TLE4: variants seen among roughly 807,000 people sequenced by gnomAD.
The protein encoded by TLE4 is TLE family member 4, transcriptional corepressor.
A neutral mutation model predicts 92.8 loss-of-function variants in TLE4; 8 were observed. The ratio of observed to expected loss-of-function variants is 0.09; its 90% confidence interval spans 0.05 to 0.16. The LOEUF (loss-of-function observed/expected upper bound fraction) is 0.16, where lower values mean the gene tolerates loss of function less well. TLE4 is among the 10% of genes least tolerant of loss of function. TLE4 has a pLI of 1.00. For missense variants in TLE4, 675 were observed against 997.6 expected (o/e 0.68, Z 4.36); for synonymous variants, 371 against 374.1 (o/e 0.99, Z 0.10).
intron 4 of TLE4, chr9:79,601,434 G>C (rs1483086540): frequency 2.2e-6 from 1 of 456,120 alleles, no homozygotes; most frequent in Non-Finnish European, 4.4e-6. Flanking sequence ...TTCACAAATT[G>C]AAGGCTGTAG....
chr9:79,614,246 G>A (rs534653010), intron 5 of TLE4, among the ~76,000 whole-genome samples: 8 of 152,218 alleles, frequency 5.3e-5, no homozygotes, highest in Middle Eastern at 6.8e-3. Context: ...GGAAAAGTTC[G>A]AATTATCCCT....
chr9:79,693,155 A>G lies in TLE4; in HGVS notation c.610-11628A>G, dbSNP rs932314207. 2.6e-5 allele frequency among the ~76,000 whole-genome samples: 4 copies of G among 152,234 alleles called. No individual in the cohort carries two copies. In the East Asian group the frequency reaches 5.8e-4, roughly 22 times the overall value. On this transcript the variant is annotated intron_variant, in intron 8 of 19. Transcript: ENST00000376552. ...AAAACATTACCAACACAGAATAGCTATTCAACTTATGTCACGGGATTCTTC... is the reference window on the plus strand; with the variant it reads ...AAAACATTACCAACACAGAATAGCTGTTCAACTTATGTCACGGGATTCTTC...
At position 79,572,717 on chromosome 9, in the gene TLE4, C is replaced by G; in HGVS notation, c.-74C>G. The stretch of plus-strand genomic sequence containing the variant: ...AGCCGGCCGCCTCCGCTGCCGCGGC[C>G]GCCTCCTCTTCGGGGTCATTAAAGC... On this transcript the variant is annotated 5_prime_UTR_variant, in exon 1 of 20. Transcript: ENST00000376552. 6.6e-7 allele frequency: 1 copy of G among 1,517,502 alleles called. No individual in the cohort carries two copies. The highest frequency in any genetic ancestry group is 1.2e-5 in the South Asian group (1 of 85,660). 94.0% of individuals were successfully genotyped at this position (1,517,502 alleles called of 1,614,324 possible).
chr9:79,717,120 TC>T (rs1211647927), intron 14 of TLE4, among the ~76,000 whole-genome samples: 1 of 152,196 alleles, frequency 6.6e-6, no homozygotes, highest in Non-Finnish European at 1.5e-5. Context: ...CTTCTTTCCG[TC>T]CCCTTAGCTT....
At chr9:79,710,446 A>T (rs1182001491) in intron 14 of TLE4, among the ~76,000 whole-genome samples, 1 of 151,922 alleles carries the variant, frequency 6.6e-6, no homozygotes, top group East Asian at 1.9e-4. Flanking sequence ...CTTGTTAGTC[A>T]CCTGTGTGTG....
intron 18 of TLE4, 75 bp from the exon 19 acceptor site, chr9:79,722,884 G>A: frequency 7.4e-7 from 1 of 1,344,976 alleles, no homozygotes; most frequent in African/African-American, 1.5e-5. Context: ...TAATAGTTTG[G>A]TGTTCTATAA....
intron 10 of TLE4, 79 bp from the exon 11 acceptor site, chr9:79,706,668 C>A: frequency 6.6e-7 from 1 of 1,514,572 alleles, no homozygotes; most frequent in Non-Finnish European, 8.9e-7. Context: ...ATGCTTTTGG[C>A]TAGAAATGTC....
At chr9:79,701,023 A>G (rs2069692825) in intron 8 of TLE4, among the ~76,000 whole-genome samples, 5 of 147,534 alleles carry the variant, frequency 3.4e-5, no homozygotes, top group Admixed American at 2.7e-4. Context: ...AAAAAATAAT[A>G]AAATAAAAAG....
intron 8 of TLE4, among the ~76,000 whole-genome samples, chr9:79,677,063 C>G (rs529745700): frequency 5.9e-5 from 9 of 152,138 alleles, no homozygotes; most frequent in African/African-American, 2.2e-4. Context: ...AAATCGCAGA[C>G]TAGAGATAGA....
chr9:79,646,995 T>C (rs1193937285), intron 6 of TLE4, among the ~76,000 whole-genome samples: 1 of 152,184 alleles, frequency 6.6e-6, no homozygotes, highest in African/African-American at 2.4e-5. Context: ...GGTTGGTTGT[T>C]ACCATTCATA....
chr9:79,677,636 C>A (rs2063524923), intron 8 of TLE4, among the ~76,000 whole-genome samples: 2 of 120,850 alleles, frequency 1.7e-5, no homozygotes, highest in Admixed American at 8.2e-5. Flanking sequence ...TAAAACAATT[C>A]TGCGTTTTGA....
At chr9:79,702,639 C>T (rs1415386267) in intron 8 of TLE4, among the ~76,000 whole-genome samples, 1 of 152,156 alleles carries the variant, frequency 6.6e-6, no homozygotes, top group African/African-American at 2.4e-5. Context: ...TCTTTTCTGC[C>T]ACTAAGTTTA....
intron 5 of TLE4, among the ~76,000 whole-genome samples, chr9:79,613,268 C>G (rs1331822782): frequency 6.6e-6 from 1 of 152,068 alleles, no homozygotes; most frequent in Non-Finnish European, 1.5e-5. Context: ...CTGAGTGCCA[C>G]TTTTCTCAAA....
In TLE4 at chr9:79,572,729, G is replaced by C. The variant is rs1171309000; in HGVS notation, c.-62G>C. On this transcript the variant is annotated 5_prime_UTR_variant, in exon 1 of 20. Transcript: ENST00000376552. ...CCGCTGCCGCGGCCGCCTCCTCTTC[G>C]GGGTCATTAAAGCCAATGAGCCGCG... 3.8e-6 allele frequency: 6 copies of C among 1,563,808 alleles called. No homozygotes were observed. The highest frequency in any genetic ancestry group is 1.4e-5 in the African/African-American group (1 of 71,066).
intron 15 of TLE4, among the ~76,000 whole-genome samples, chr9:79,719,739 G>A (rs544111593): frequency 2.6e-5 from 4 of 152,310 alleles, no homozygotes; most frequent in East Asian, 3.9e-4. Flanking sequence ...ATTAGTGTAC[G>A]TGTGTATCTG....
rs569593383 is a variant in TLE4 at position 79,597,425 on chromosome 9, C to T, written c.253-15231C>T. 8.1e-4 allele frequency among the ~76,000 whole-genome samples: 124 copies of T among 152,216 alleles called. 1 individual carries two copies. Among genetic ancestry groups the T allele is most frequent in the Admixed American group, 7.8e-4 (12 of 15,288 alleles). On this transcript the variant is annotated intron_variant, in intron 4 of 19. Coordinates refer to ENST00000376552, the MANE Select transcript of TLE4 (RefSeq NM_007005.6). ...TGTCCTCTTCTCTGCTTACTTTGCC[C>T]TTTTATTTAGGTAATTTTATTCACT...
intron 8 of TLE4, among the ~76,000 whole-genome samples, chr9:79,681,285 T>C (rs2064516242): frequency 6.6e-6 from 1 of 151,480 alleles, no homozygotes; most frequent in Non-Finnish European, 1.5e-5. Flanking sequence ...ATATACTTAA[T>C]CTGCTGTGGT....
At chr9:79,653,809 A>G (rs1209017164) in intron 7 of TLE4, among the ~76,000 whole-genome samples, 1 of 152,232 alleles carries the variant, frequency 6.6e-6, no homozygotes, top group African/African-American at 2.4e-5. Flanking sequence ...AAAGTCTATA[A>G]GGAGCACAGA....
intron 6 of TLE4, among the ~76,000 whole-genome samples, chr9:79,641,447 CAAA>C (rs1416075563): frequency 6.6e-6 from 1 of 152,136 alleles, no homozygotes; most frequent in East Asian, 1.9e-4. Context: ...AAATAAAAGT[CAAA>C]AACCCTTAGT....
Sources: allele counts gnomAD v4.1 joint callset (sites outside exome capture counted in the v4.1 genomes callset), GRCh38; gene constraint gnomAD v4.1.1; transcripts MANE v1.5; gene names NCBI Gene and HGNC (gene_info 2026-07-23, HGNC 2026-07-21).